Variants in MAP4K4 observed in about 807,000 individuals in gnomAD.
The protein encoded by MAP4K4 is HPK/GCK-like kinase HGK.
MAP4K4 carries 38 observed loss-of-function variants against 189.6 expected under a neutral mutation model. That is an observed-to-expected ratio of 0.20 (90% CI 0.15 to 0.26). The LOEUF (loss-of-function observed/expected upper bound fraction) is 0.26. Among genes scored for constraint, MAP4K4 ranks in the 10% least tolerant of loss-of-function variants. The pLI, the probability that MAP4K4 is intolerant of heterozygous loss-of-function variation, is 1.00. For synonymous variants in MAP4K4, 610 were observed against 624.3 expected (o/e 0.98, Z 0.34); for missense variants, 1,054 against 1,726.9 (o/e 0.61, Z 6.91).
intron 29 of MAP4K4, among the ~76,000 whole-genome samples, chr2:101,886,804 G>GGT (rs1054439399): frequency 1.1e-4 from 17 of 152,090 alleles, no homozygotes; most frequent in Admixed American, 1.0e-3. Context: ...CACTTTGGGA[G>GGT]GTCGAGGTCA....
chr2:101,824,860 C>A (rs2096279678), intron 4 of MAP4K4, among the ~76,000 whole-genome samples: 1 of 152,066 alleles, frequency 6.6e-6, no homozygotes, highest in South Asian at 2.1e-4. Flanking sequence ...AATTGTATAA[C>A]TGCTTAAAAA....
chr2:101,769,077 G>T (rs1474723890), intron 2 of MAP4K4, among the ~76,000 whole-genome samples: 1 of 152,124 alleles, frequency 6.6e-6, no homozygotes, highest in East Asian at 1.9e-4. Flanking sequence ...CCAAAATCTT[G>T]TGCAAGATGT....
At chr2:101,845,171 CA>C (rs962683526) in intron 12 of MAP4K4, among the ~76,000 whole-genome samples, 25 of 130,550 alleles carry the variant, frequency 1.9e-4, no homozygotes, top group East Asian at 4.4e-4. Context: ...TGGTTTAAGC[CA>C]AAAAAAAAAT....
chr2:101,748,136 A>G (rs1187065634), intron 2 of MAP4K4, among the ~76,000 whole-genome samples: 2 of 152,210 alleles, frequency 1.3e-5, no homozygotes, highest in African/African-American at 4.8e-5. Flanking sequence ...TTAGTATTTC[A>G]TAGAATTTTT....
At position 101,707,260 on chromosome 2, in the gene MAP4K4, G is replaced by C. The variant is rs913727678; in HGVS notation, c.123+8722G>C. Reference sequence around the variant, plus strand: ...CAGTCTCACTGTTGCTTAGGCTGGAGTGCAGTGGCGCCATCTTGGCTTACT... The same window carrying C: ...CAGTCTCACTGTTGCTTAGGCTGGACTGCAGTGGCGCCATCTTGGCTTACT... On this transcript the variant is annotated intron_variant, in intron 2 of 32. Transcript: ENST00000324219. 2.0e-5 allele frequency among the ~76,000 whole-genome samples: 3 copies of C among 148,884 alleles called. No individual in the cohort carries two copies. In the Admixed American group the frequency reaches 2.0e-4, roughly 10 times the overall value.
exon 30 of MAP4K4, chr2:101,887,198 G>A (rs1361305331): frequency 1.2e-6 from 2 of 1,613,278 alleles, no homozygotes; most frequent in South Asian, 1.1e-5. Context: ...CTGTTGATGT[G>A]GATTCAGGAT....
At chr2:101,730,421 T>C (rs969441438) in intron 2 of MAP4K4, among the ~76,000 whole-genome samples, 12 of 152,210 alleles carry the variant, frequency 7.9e-5, no homozygotes, top group South Asian at 2.1e-4. Flanking sequence ...TTTCAGATCA[T>C]ATGTTGGTTA....
At chr2:101,842,993 C>T (rs942212587) in intron 11 of MAP4K4, among the ~76,000 whole-genome samples, 2 of 152,124 alleles carry the variant, frequency 1.3e-5, no homozygotes, top group African/African-American at 2.4e-5. Flanking sequence ...GGTGAAGGTG[C>T]CATTGAACAC....
intron 19 of MAP4K4, 47 bp from the exon 20 acceptor site, chr2:101,867,165 A>G (rs1477335508): frequency 1.6e-6 from 2 of 1,223,740 alleles, no homozygotes; most frequent in South Asian, 1.3e-5. Flanking sequence ...ATACACATCC[A>G]TATGTTGATA....
chr2:101,807,829 A>G (rs2095101069), intron 3 of MAP4K4, among the ~76,000 whole-genome samples: 1 of 152,210 alleles, frequency 6.6e-6, no homozygotes, highest in East Asian at 1.9e-4. Flanking sequence ...ACACTTCTAA[A>G]CAACCAGATC....
intron 2 of MAP4K4, among the ~76,000 whole-genome samples, chr2:101,756,259 A>G (rs993818924): frequency 3.3e-5 from 5 of 151,936 alleles, no homozygotes; most frequent in Admixed American, 2.0e-4. Flanking sequence ...CCTTGATCTT[A>G]ATGAAGTCAT....
chr2:101,721,318 A>G (rs1258780811), intron 2 of MAP4K4, among the ~76,000 whole-genome samples: 2 of 151,878 alleles, frequency 1.3e-5, no homozygotes, highest in Non-Finnish European at 2.9e-5. Flanking sequence ...GTGAAAAACC[A>G]TTTCCAAAGA....
At chr2:101,795,684 A>G (rs1224336986) in intron 3 of MAP4K4, among the ~76,000 whole-genome samples, 1 of 152,196 alleles carries the variant, frequency 6.6e-6, no homozygotes, top group Non-Finnish European at 1.5e-5. Flanking sequence ...TCTGGATGCT[A>G]AGTATGCTCA....
chr2:101,861,080 CA>C, intron 16 of MAP4K4, 94 bp downstream of exon 16: 6 of 1,191,562 alleles, frequency 5.0e-6, no homozygotes, highest in Non-Finnish European at 6.9e-6. Flanking sequence ...AGTTTGTCAC[CA>C]CACTGAAAAA....
At chr2:101,854,639 A>G (rs1304348114) in intron 12 of MAP4K4, among the ~76,000 whole-genome samples, 1 of 152,214 alleles carries the variant, frequency 6.6e-6, no homozygotes. Context: ...TTTCAGATTA[A>G]ATACTAGTTG....
intron 2 of MAP4K4, among the ~76,000 whole-genome samples, chr2:101,755,528 A>G (rs2071992637): frequency 6.6e-6 from 1 of 152,220 alleles, no homozygotes; most frequent in Admixed American, 6.5e-5. Flanking sequence ...TACTCTGAGT[A>G]TCATCTTACA....
At chr2:101,754,308 A>G (rs2070969812) in intron 2 of MAP4K4, among the ~76,000 whole-genome samples, 1 of 145,268 alleles carries the variant, frequency 6.9e-6, no homozygotes, top group South Asian at 2.2e-4. Context: ...TTCACGGTAT[A>G]TTAGAGGCTT....
At chr2:101,815,546 G>A (rs2095663484) in intron 3 of MAP4K4, among the ~76,000 whole-genome samples, 1 of 152,000 alleles carries the variant, frequency 6.6e-6, no homozygotes, top group African/African-American at 2.4e-5. Context: ...ATATGTGTAT[G>A]GTCCAGCTTC....
At position 101,765,522 on chromosome 2, in the gene MAP4K4, A is replaced by G. The variant is rs564093465; in HGVS notation, c.124-25198A>G. 6.5e-4 allele frequency among the ~76,000 whole-genome samples: 99 copies of G among 152,152 alleles called. 2 individuals carry two copies. The South Asian group carries it at 0.02, about 31-fold the overall frequency. Reference sequence around the variant, plus strand: ...GTATTTTTTGTAGAGATGGGGTTTCATGATGTTGCCCAGGCTGGTGTCAAA... The same window carrying G: ...GTATTTTTTGTAGAGATGGGGTTTCGTGATGTTGCCCAGGCTGGTGTCAAA... On this transcript the variant is annotated intron_variant, in intron 2 of 32. Transcript: ENST00000324219.
Sources: gnomAD v4.1 joint callset for allele counts (sites outside exome capture counted in the v4.1 genomes callset) on GRCh38, gnomAD v4.1.1 for gene constraint, MANE v1.5 for transcripts, NCBI Gene and HGNC (gene_info 2026-07-23, HGNC 2026-07-21) for gene names.